The following LGALS9 variants were observed in gnomAD, a reference collection of about 807,000 sequenced individuals.
The protein encoded by LGALS9 is galectin 9.
LGALS9 carries 26 observed loss-of-function variants against 35.9 expected under a neutral mutation model. That is an observed-to-expected ratio of 0.72 (90% CI 0.53 to 1.01). LGALS9 has a LOEUF of 1.01. Among genes scored for constraint, LGALS9 ranks in the 50% least tolerant of loss-of-function variants. The pLI is 0.00. For missense variants in LGALS9, 347 were observed against 445.8 expected (o/e 0.78, Z 1.99); for synonymous variants, 149 against 172.2 (o/e 0.87, Z 1.06).
intron 1 of LGALS9, among the ~76,000 whole-genome samples, chr17:27,635,442 C>CTAAA (rs67262429): frequency 0.028 from 3,894 of 140,440 alleles, 98 homozygotes; most frequent in African/African-American, 0.071. Flanking sequence ...GAACCCATCT[C>CTAAA]TAAATAAATA....
chr17:27,643,450 C>T (rs562398798), intron 4 of LGALS9, 75 bp from the exon 5 acceptor site: 145 of 1,597,638 alleles, frequency 9.1e-5, no homozygotes, highest in Middle Eastern at 2.3e-4. Context: ...CCTCTTGCCC[C>T]TGCCTCTGCC....
At chr17:27,634,025 C>T (rs1229701738) in intron 1 of LGALS9, among the ~76,000 whole-genome samples, 1 of 152,230 alleles carries the variant, frequency 6.6e-6, no homozygotes, top group African/African-American at 2.4e-5. Context: ...CGGTTGTTTT[C>T]CTGGGTTTTC....
At chr17:27,641,936 T>G (rs1461787412) in intron 3 of LGALS9, among the ~76,000 whole-genome samples, 1 of 151,062 alleles carries the variant, frequency 6.6e-6, no homozygotes, top group Non-Finnish European at 1.5e-5. Context: ...ACATTCCATC[T>G]CAAAAAACAA....
At chr17:27,648,474 T>A (rs1217970961) in intron 10 of LGALS9, among the ~76,000 whole-genome samples, 5 of 104,080 alleles carry the variant, frequency 4.8e-5, no homozygotes, top group Non-Finnish European at 1.3e-4. Context: ...GTTTTAACAT[T>A]TGTACCCTGA....
intron 1 of LGALS9, among the ~76,000 whole-genome samples, chr17:27,636,285 T>C (rs2074450440): frequency 6.6e-6 from 1 of 152,200 alleles, no homozygotes; most frequent in South Asian, 2.1e-4. Flanking sequence ...AATTCAAACA[T>C]GCAGAAGGAA....
intron 1 of LGALS9, among the ~76,000 whole-genome samples, chr17:27,633,771 C>T (rs2151288332): frequency 6.6e-6 from 1 of 152,344 alleles, no homozygotes; most frequent in African/African-American, 2.4e-5. Context: ...GCACCCAGTC[C>T]TCTCAGAACG....
intron 1 of LGALS9, among the ~76,000 whole-genome samples, chr17:27,636,329 C>T (rs2074450804): frequency 6.6e-6 from 1 of 152,244 alleles, no homozygotes; most frequent in Admixed American, 6.5e-5. Context: ...CATCACTCTG[C>T]TCCAACAATG....
chr17:27,635,302 G>T (rs1293999726), intron 1 of LGALS9, among the ~76,000 whole-genome samples: 2 of 152,034 alleles, frequency 1.3e-5, no homozygotes, highest in Non-Finnish European at 1.5e-5. Context: ...GTGGGACATG[G>T]TGGCCTGCAC....
At chr17:27,648,676 C>G (rs1339466226) in intron 10 of LGALS9, among the ~76,000 whole-genome samples, 160 bp from the exon 11 acceptor site, 1 of 141,568 alleles carries the variant, frequency 7.1e-6, no homozygotes, top group Non-Finnish European at 1.5e-5. Flanking sequence ...GCACGCACAG[C>G]CTGTTTAGTG....
chr17:27,633,373 G>A (rs906115691), intron 1 of LGALS9, among the ~76,000 whole-genome samples: 1 of 152,238 alleles, frequency 6.6e-6, no homozygotes, highest in Admixed American at 6.5e-5. Flanking sequence ...CAGTGTTGGA[G>A]GTCAGAAGTC....
intron 5 of LGALS9, 106 bp from the exon 6 acceptor site, chr17:27,645,208 G>A (rs937693791): frequency 6.9e-6 from 11 of 1,591,650 alleles, no homozygotes; most frequent in Non-Finnish European, 9.4e-6. Flanking sequence ...GGTGTGTCCG[G>A]GGAGGCATTT....
chr17:27,631,945 G>T (rs1467813071), intron 1 of LGALS9, among the ~76,000 whole-genome samples: 2 of 152,062 alleles, frequency 1.3e-5, no homozygotes, highest in Non-Finnish European at 2.9e-5. Flanking sequence ...CATGTTCAGG[G>T]CATCTGTGGA....
chr17:27,631,261 G>A lies in LGALS9; in HGVS notation c.-5G>A. 1 of 1,614,178 alleles carries A rather than the reference G, an allele frequency of 6.2e-7. No individual in the cohort carries two copies. Among genetic ancestry groups the A allele is most frequent in the Non-Finnish European group, 8.5e-7 (1 of 1,180,024 alleles). ...GGCAGCGGTGGCCACAGAGGCGGCG[G>A]AGAGATGGCCTTCAGCGGTTCCCAG... On this transcript the variant is annotated 5_prime_UTR_variant, in exon 1 of 11. Transcript: ENST00000395473.
chr17:27,646,474 C>G, intron 7 of LGALS9, 73 bp from the exon 8 acceptor site: 1 of 1,608,332 alleles, frequency 6.2e-7, no homozygotes, highest in South Asian at 1.1e-5. Context: ...CTCTAGAACG[C>G]GTGGGTGCGC....
intron 1 of LGALS9, 55 bp downstream of exon 1, chr17:27,631,359 G>A (rs2074391324): frequency 2.5e-6 from 4 of 1,612,550 alleles, no homozygotes; most frequent in Non-Finnish European, 3.4e-6. Flanking sequence ...ACACAGCTCT[G>A]GGGCTCTGAG....
chr17:27,646,880 T>C (rs1257206148), intron 8 of LGALS9, 150 bp from the exon 9 acceptor site: 1 of 1,241,626 alleles, frequency 8.1e-7, no homozygotes, highest in African/African-American at 1.5e-5. Flanking sequence ...GCCCATTAAT[T>C]TGAGGAGCAC....
chr17:27,635,958 G>T lies in LGALS9; in HGVS notation c.40-2305G>T, dbSNP rs560523555. ...AGACAGGGACAAGAATGAGAAGTCA[G>T]AGACACAGAGAAGCTGTGATTTGCT... On this transcript the variant is annotated intron_variant, in intron 1 of 10. Transcript: ENST00000395473. 1.1e-4 allele frequency among the ~76,000 whole-genome samples: 16 copies of T among 152,336 alleles called. No homozygotes were observed. In the South Asian group the frequency reaches 3.3e-3, roughly 32 times the overall value.
chr17:27,636,068 A>T (rs566605286), intron 1 of LGALS9, among the ~76,000 whole-genome samples: 3 of 152,346 alleles, frequency 2.0e-5, no homozygotes, highest in African/African-American at 7.2e-5. Flanking sequence ...CATGGGGAGC[A>T]GAGTCTAACT....
intron 1 of LGALS9, among the ~76,000 whole-genome samples, chr17:27,632,565 G>A (rs2074403668): frequency 6.6e-6 from 1 of 151,824 alleles, no homozygotes; most frequent in Non-Finnish European, 1.5e-5. Flanking sequence ...GGCCGCTGGT[G>A]GGGGCCTTAG....
Sources: gnomAD v4.1 joint callset for allele counts (sites outside exome capture counted in the v4.1 genomes callset) on GRCh38, gnomAD v4.1.1 for gene constraint, MANE v1.5 for transcripts, NCBI Gene and HGNC (gene_info 2026-07-23, HGNC 2026-07-21) for gene names.